Variants in CPXM2 observed in about 807,000 individuals in gnomAD.
CPXM2 encodes the protein inactive carboxypeptidase-like protein X2.
A neutral mutation model predicts 86.1 loss-of-function variants in CPXM2; 66 were observed. That is an observed-to-expected ratio of 0.77 (90% CI 0.63 to 0.94). The LOEUF (loss-of-function observed/expected upper bound fraction) is 0.94. Ranked by LOEUF, CPXM2 falls within the 40% of genes least tolerant of loss-of-function variation. CPXM2 has a pLI of 0.00. For missense variants in CPXM2, 948 were observed against 1,026.3 expected, an observed-to-expected ratio of 0.92 and a Z score of 1.04; for synonymous variants, 388 against 400.2, an observed-to-expected ratio of 0.97 and a Z score of 0.36.
chr10:123,814,336 C>T (rs1013004478), intron 4 of CPXM2, among the ~76,000 whole-genome samples: 2 of 152,158 alleles, frequency 1.3e-5, no homozygotes, highest in African/African-American at 4.8e-5. Flanking sequence ...CCTAGCCTCC[C>T]AGCCTACATC....
intron 11 of CPXM2, among the ~76,000 whole-genome samples, chr10:123,761,642 G>C (rs938861943): frequency 6.6e-6 from 1 of 152,148 alleles, no homozygotes; most frequent in African/African-American, 2.4e-5. Context: ...ATCCCTTTGG[G>C]TCTCCAGCCC....
At chr10:123,795,926 T>A (rs995844494) in intron 6 of CPXM2, among the ~76,000 whole-genome samples, 8 of 151,828 alleles carry the variant, frequency 5.3e-5, no homozygotes, top group Non-Finnish European at 1.2e-4. Context: ...AACAGATGAG[T>A]TCCTACCCGC....
Position 123,891,578 on chromosome 10 carries a change from C to A in CPXM2, c.82G>T (p.Ala28Ser), listed in dbSNP as rs1466360909. The A allele has an allele frequency of 1.3e-6, 2 of 1,538,658 alleles. No individual in the cohort carries two copies. The highest frequency in any genetic ancestry group is 2.0e-5 in the Admixed American group (1 of 49,696). The change falls in exon 1 of 14, where the codon GCA becomes TCA. Residue 28 changes from alanine (A) to serine (S), a missense_variant. Coordinates refer to ENST00000241305, the MANE Select transcript of CPXM2 (RefSeq NM_198148.3). This position sits in a 1 kb window ranked among gnomAD's most constrained non-coding sequence, Gnocchi z 5.6. ...TAATAATCAGGGTCCTCGAGGGCTG[C>A]GCCCTGGGCTCCGACCCCGGCCAGG... ...VTLAGVGAQGAALEDPDYYGQ... is the reference protein window; with the variant it reads ...VTLAGVGAQGSALEDPDYYGQ...
At chr10:123,940,918 T>A (rs936835022), upstream of CPXM2, among the ~76,000 whole-genome samples, 3 of 152,136 alleles carry the variant, frequency 2.0e-5, no homozygotes, top group Non-Finnish European at 2.9e-5. Context: ...ACGCCTGTAA[T>A]CCCAGCACTT....
chr10:123,905,318 T>C (rs904965391), intron 2 of CPXM2, among the ~76,000 whole-genome samples: 2 of 152,192 alleles, frequency 1.3e-5, no homozygotes, highest in Non-Finnish European at 2.9e-5. Context: ...GATTCTGTGC[T>C]GGGATGGTGT....
At chr10:123,858,075 A>G (rs934087523) in intron 3 of CPXM2, among the ~76,000 whole-genome samples, 3 of 152,234 alleles carry the variant, frequency 2.0e-5, no homozygotes, top group Non-Finnish European at 4.4e-5. Context: ...GGCCCCACAG[A>G]CCATTCACAG....
chr10:123,812,359 T>C (rs1364200512), intron 4 of CPXM2, among the ~76,000 whole-genome samples: 4 of 152,212 alleles, frequency 2.6e-5, no homozygotes, highest in Non-Finnish European at 5.9e-5. Flanking sequence ...TATAAAATCA[T>C]TTTTATAAAG....
chr10:123,822,370 G>A (rs1028363392), intron 4 of CPXM2, among the ~76,000 whole-genome samples: 10 of 152,156 alleles, frequency 6.6e-5, no homozygotes, highest in Non-Finnish European at 8.8e-5. Context: ...AGTGTGCCAG[G>A]CACTGGGGTA....
intron 11 of CPXM2, among the ~76,000 whole-genome samples, chr10:123,758,493 C>T (rs1846265928): frequency 6.6e-6 from 1 of 152,136 alleles, no homozygotes; most frequent in Non-Finnish European, 1.5e-5. Context: ...TCTTAAGGCC[C>T]ATCCAGGTAA....
intron 2 of CPXM2, among the ~76,000 whole-genome samples, chr10:123,919,410 C>T (rs548297275): frequency 3.9e-5 from 6 of 152,138 alleles, no homozygotes; most frequent in African/African-American, 7.2e-5. Context: ...TACTAAGAAC[C>T]AGATACATCC....
intron 2 of CPXM2, chr10:123,913,513 G>A (rs973280816): frequency 6.2e-6 from 1 of 162,298 alleles, no homozygotes; most frequent in Admixed American, 5.8e-5. Context: ...ATGAATATAC[G>A]CATGTATTCC....
chr10:123,913,809 G>C, intron 2 of CPXM2: 4 of 323,824 alleles, frequency 1.2e-5, no homozygotes, highest in South Asian at 9.7e-5. Flanking sequence ...CTGAAAGAAA[G>C]ATGGTGTGGA....
intron 4 of CPXM2, among the ~76,000 whole-genome samples, chr10:123,826,550 T>G (rs1324139803): frequency 6.6e-6 from 1 of 152,156 alleles, no homozygotes; most frequent in Non-Finnish European, 1.5e-5. Context: ...TACACAAATT[T>G]AACCATTGTT....
intron 3 of CPXM2, among the ~76,000 whole-genome samples, chr10:123,852,996 G>C (rs547781758): frequency 1.3e-5 from 2 of 152,270 alleles, no homozygotes; most frequent in Admixed American, 1.3e-4. Context: ...CAAATCTCAC[G>C]TCAAATTGTA....
intron 8 of CPXM2, among the ~76,000 whole-genome samples, chr10:123,769,068 C>A (rs979776866): frequency 6.6e-6 from 1 of 152,186 alleles, no homozygotes; most frequent in African/African-American, 2.4e-5. Context: ...TTTTGGGAGG[C>A]AATTATTTTT....
At position 123,891,791 on chromosome 10, in the gene CPXM2, C is replaced by A. The variant is rs1217849532; in HGVS notation, c.-132G>T. 6 of 480,036 alleles carry A rather than the reference C, an allele frequency of 1.2e-5. No homozygotes were observed. Among genetic ancestry groups the A allele is most frequent in the Non-Finnish European group, 1.8e-5 (6 of 339,216 alleles). 29.7% of individuals were successfully genotyped at this position (480,036 alleles called of 1,614,324 possible). On this transcript the variant is annotated 5_prime_UTR_variant, in exon 1 of 14. Transcript: ENST00000241305. The surrounding 1 kb of genome is among the most constrained non-coding windows in gnomAD (Gnocchi z 5.6). ...GGCGCGCTTGGGCGCGGGAGGCGGCCGGCTGGCTGCGCGTGTGACCGGCCC... is the reference window on the plus strand; with the variant it reads ...GGCGCGCTTGGGCGCGGGAGGCGGCAGGCTGGCTGCGCGTGTGACCGGCCC...
chr10:123,762,525 T>C (rs751669459), intron 10 of CPXM2, among the ~76,000 whole-genome samples: 21 of 152,310 alleles, frequency 1.4e-4, no homozygotes, highest in Middle Eastern at 6.8e-3. Flanking sequence ...TAGAGATACC[T>C]ACTGAAATCT....
intron 5 of CPXM2, 52 bp from the exon 6 acceptor site, chr10:123,798,178 G>A (rs1268479284): frequency 6.7e-7 from 1 of 1,489,488 alleles, no homozygotes; most frequent in Non-Finnish European, 9.0e-7. Flanking sequence ...TAATTACCAA[G>A]GGATAAAAAG....
intron 4 of CPXM2, among the ~76,000 whole-genome samples, chr10:123,819,712 T>G (rs1847886101): frequency 6.6e-6 from 1 of 152,238 alleles, no homozygotes; most frequent in South Asian, 2.1e-4. Context: ...TTAGCTGTAA[T>G]TATGACCTCA....
Sources: gnomAD v4.1 joint callset for allele counts (sites outside exome capture counted in the v4.1 genomes callset) on GRCh38, gnomAD v4.1.1 for gene constraint, Gnocchi (gnomAD v3.1) non-coding constraint, MANE v1.5 for transcripts, NCBI Gene and HGNC (gene_info 2026-07-23, HGNC 2026-07-21) for gene names.